COLEC12: variants seen among roughly 807,000 people sequenced by gnomAD.
COLEC12 encodes the protein collectin subfamily member 12.
In COLEC12, 33 loss-of-function variants were observed where a neutral mutation model predicts 71.1. The ratio of observed to expected loss-of-function variants is 0.46; its 90% CI spans 0.35 to 0.62. The LOEUF is 0.62. COLEC12 is among the 20% of genes least tolerant of loss of function. The pLI is 0.00. For missense variants in COLEC12, 765 were observed against 916.1 expected, an observed-to-expected ratio of 0.84 and a Z score of 2.13; for synonymous variants, 350 against 353.0, an observed-to-expected ratio of 0.99 and a Z score of 0.10.
At chr18:498,461 G>A (rs1917756259) in intron 1 of COLEC12, among the ~76,000 whole-genome samples, 1 of 151,190 alleles carries the variant, frequency 6.6e-6, no homozygotes, top group African/African-American at 2.4e-5. Flanking sequence ...CTGGGTTCAA[G>A]TGATTCTCCT....
In COLEC12 at chr18:360,437, C is replaced by T. The variant is rs183549655; in HGVS notation, c.59-2915G>A. 3.1e-3 allele frequency among the ~76,000 whole-genome samples: 477 copies of T among 152,178 alleles called. 1 individual carries two copies. The highest frequency in any genetic ancestry group is 5.8e-3 in the Admixed American group (88 of 15,288). ...ACCTCAAGTGATCCACCCACCTCGCCGCCTCAGCCTCCCAAAGTGCTGGGA... is the reference window on the plus strand; with the variant it reads ...ACCTCAAGTGATCCACCCACCTCGCTGCCTCAGCCTCCCAAAGTGCTGGGA... On this transcript the variant is annotated intron_variant, in intron 2 of 9. Coordinates refer to ENST00000400256, the MANE Select transcript of COLEC12 (RefSeq NM_130386.3).
At chr18:422,163 A>C (rs2846649) in intron 2 of COLEC12, among the ~76,000 whole-genome samples, 1 of 152,120 alleles carries the variant, frequency 6.6e-6, no homozygotes, top group South Asian at 2.1e-4. Flanking sequence ...CTTTTCAGTC[A>C]AGACATAAAC....
intron 2 of COLEC12, among the ~76,000 whole-genome samples, chr18:394,487 T>C (rs1915527203): frequency 6.6e-6 from 1 of 152,234 alleles, no homozygotes; most frequent in Non-Finnish European, 1.5e-5. Flanking sequence ...AATGGCATCA[T>C]GGTGTTTACA....
intron 2 of COLEC12, among the ~76,000 whole-genome samples, chr18:425,646 C>T (rs72863546): frequency 6.6e-6 from 1 of 152,080 alleles, no homozygotes; most frequent in Non-Finnish European, 1.5e-5. Context: ...ACACAGCCCC[C>T]ACGGTCATCA....
At chr18:409,872 G>A (rs1454907148) in intron 2 of COLEC12, among the ~76,000 whole-genome samples, 1 of 152,184 alleles carries the variant, frequency 6.6e-6, no homozygotes, top group Admixed American at 6.5e-5. Flanking sequence ...ATAAGCACAA[G>A]AAGGAGGAAA....
chr18:346,549 C>G lies in COLEC12; in HGVS notation c.1073G>C (p.Arg358Pro). 6.2e-7 allele frequency: 1 copy of G among 1,614,158 alleles called. No homozygotes were observed. Among genetic ancestry groups the G allele is most frequent in the Non-Finnish European group, 8.5e-7 (1 of 1,180,020 alleles). The change falls in exon 5 of 10, where the codon CGG becomes CCG. Residue 358 changes from arginine (R) to proline (P), a missense_variant. Physicochemically the swap from Arg to Pro is moderately radical, Grantham distance 103 (BLOSUM62 -2). Coordinates refer to ENST00000400256, the MANE Select transcript of COLEC12 (RefSeq NM_130386.3). The surrounding 1 kb of genome is among the most constrained non-coding windows in gnomAD (Gnocchi z 4.0). ...SNISYTAHHLRTLTSNLNEVR... is the reference protein window; with the variant it reads ...SNISYTAHHLPTLTSNLNEVR... ...TTCATTTAGATTGCTGGTCAGCGTC[C>G]GCAGGTGGTGGGCTGTGTAACTGAT...
chr18:446,825 C>T (rs901407998), intron 2 of COLEC12, among the ~76,000 whole-genome samples: 35 of 152,192 alleles, frequency 2.3e-4, no homozygotes, highest in African/African-American at 7.2e-4. Flanking sequence ...TTCCATCTGC[C>T]TTCTCCCTAA....
intron 2 of COLEC12, among the ~76,000 whole-genome samples, chr18:358,931 A>G (rs1466682001): frequency 6.6e-6 from 1 of 152,268 alleles, no homozygotes; most frequent in African/African-American, 2.4e-5. Context: ...TATGCAGTCC[A>G]TTGTTGACTG....
At chr18:350,959 C>CA (rs71174228) in intron 3 of COLEC12, among the ~76,000 whole-genome samples, 8,066 of 65,788 alleles carry the variant, frequency 0.12, 317 homozygotes, top group South Asian at 0.18. Flanking sequence ...GACTCTGTCT[C>CA]AAAAAAAAAA....
chr18:478,992 C>T (rs1355436738), intron 2 of COLEC12, among the ~76,000 whole-genome samples: 1 of 151,654 alleles, frequency 6.6e-6, no homozygotes, highest in Admixed American at 6.6e-5. Flanking sequence ...AAAAAATTTT[C>T]TCTCAAGGTC....
chr18:398,933 A>G (rs1915624480), intron 2 of COLEC12, among the ~76,000 whole-genome samples: 1 of 152,238 alleles, frequency 6.6e-6, no homozygotes, highest in Admixed American at 6.5e-5. Flanking sequence ...ATGGACTTAA[A>G]TAATACAAGA....
Position 439,360 on chromosome 18 carries a change from A to G in COLEC12, c.58+41347T>C, listed in dbSNP as rs539060586. Among the ~76,000 whole-genome samples, 3 of 152,324 alleles carry G rather than the reference A, an allele frequency of 2.0e-5. No individual in the cohort carries two copies. The South Asian group carries it at 6.2e-4, about 32-fold the overall frequency. ...GTCAGATGAATGAATGAATAAACCA[A>G]TGAACAAATGAATGGAAAGAGGTAT... On this transcript the variant is annotated intron_variant, in intron 2 of 9. Transcript: ENST00000400256.
At chr18:398,392 G>C (rs1304257647) in intron 2 of COLEC12, among the ~76,000 whole-genome samples, 1 of 152,208 alleles carries the variant, frequency 6.6e-6, no homozygotes, top group Non-Finnish European at 1.5e-5. Context: ...GGAACCAGCA[G>C]CAAATTCCCC....
At chr18:377,599 C>T (rs1045216681) in intron 2 of COLEC12, among the ~76,000 whole-genome samples, 3 of 152,178 alleles carry the variant, frequency 2.0e-5, no homozygotes, top group African/African-American at 4.8e-5. Flanking sequence ...AGGAAAGGAG[C>T]CTCCCAAAAC....
At chr18:474,191 G>A (rs1457938326) in intron 2 of COLEC12, among the ~76,000 whole-genome samples, 2 of 152,208 alleles carry the variant, frequency 1.3e-5, no homozygotes, top group Non-Finnish European at 2.9e-5. Flanking sequence ...ACTGAGGCCT[G>A]AAATCAGGCT....
At chr18:468,082 T>C (rs1405277395) in intron 2 of COLEC12, among the ~76,000 whole-genome samples, 1 of 151,960 alleles carries the variant, frequency 6.6e-6, no homozygotes, top group Non-Finnish European at 1.5e-5. Flanking sequence ...GCCAATATGG[T>C]GAAACCCCAT....
Position 334,833 on chromosome 18 carries a change from G to A in COLEC12, c.1725C>T (p.Gly575=), listed in dbSNP as rs1309728499. 1 of 1,516,264 alleles carries A rather than the reference G, an allele frequency of 6.6e-7. No individual in the cohort carries two copies. Among genetic ancestry groups the A allele is most frequent in the Non-Finnish European group, 8.8e-7 (1 of 1,140,170 alleles). The allele number at this position is 1,516,264 out of a possible 1,614,324, so 93.9% of individuals were successfully genotyped here. ...CAGGAGGGCCGGGGGGGCCCTTGGG[G>A]CCTGGCATGCCTGGTACCCCAGGCA... ...PGLPGVPGMP[G]PKGPPGPPGP... The change falls in exon 6 of 10, where the codon GGC becomes GGT. Residue 575 remains glycine (G), a synonymous_variant. Transcript: ENST00000400256.
intron 8 of COLEC12, among the ~76,000 whole-genome samples, chr18:322,168 A>G (rs1416538200): frequency 3.5e-5 from 5 of 144,324 alleles, no homozygotes; most frequent in East Asian, 2.1e-4. Flanking sequence ...ATGTGTGTGA[A>G]TATCTATTCA....
chr18:424,637 G>T (rs913879931), intron 2 of COLEC12, among the ~76,000 whole-genome samples: 1 of 152,180 alleles, frequency 6.6e-6, no homozygotes, highest in African/African-American at 2.4e-5. Context: ...CAAGCCCAAA[G>T]GTTGGCTTAC....
Sources: allele counts gnomAD v4.1 joint callset (sites outside exome capture counted in the v4.1 genomes callset), GRCh38; gene constraint gnomAD v4.1.1; non-coding constraint Gnocchi (gnomAD v3.1); transcripts MANE v1.5; gene names NCBI Gene and HGNC (gene_info 2026-07-23, HGNC 2026-07-21).